The following NAALADL2 variants were observed in gnomAD, a reference collection of about 807,000 sequenced individuals.
NAALADL2 encodes N-acetylated alpha-linked acidic dipeptidase like 2.
NAALADL2 carries 76 observed loss-of-function variants against 87.2 expected under a neutral mutation model. That is an observed-to-expected ratio of 0.87 (90% CI 0.72 to 1.05). The LOEUF is 1.05. NAALADL2 is among the 50% of genes least tolerant of loss of function. The pLI is 0.00. For synonymous variants in NAALADL2, 354 were observed against 331.0 expected (o/e 1.07, Z -0.75); for missense variants, 1,089 against 945.8 (o/e 1.15, Z -1.99).
chr3:174,683,247 G>C (rs984127537), intron 2 of NAALADL2, among the ~76,000 whole-genome samples: 11 of 152,026 alleles, frequency 7.2e-5, no homozygotes, highest in African/African-American at 2.7e-4. Flanking sequence ...ACAATGAAGT[G>C]TGCCTACAGG....
chr3:174,982,515 A>G (rs1745256395), intron 1 of NAALADL2, among the ~76,000 whole-genome samples: 1 of 152,230 alleles, frequency 6.6e-6, no homozygotes. Context: ...AACTGATTAT[A>G]TATTTAATCC....
intron 1 of NAALADL2, among the ~76,000 whole-genome samples, chr3:175,094,612 C>T (rs930163747): frequency 2.2e-4 from 33 of 151,464 alleles, no homozygotes; most frequent in African/African-American, 7.7e-4. Flanking sequence ...ATTTGGGAAA[C>T]AAGACCAAAC....
At chr3:174,994,057 C>G (rs1163246718) in intron 1 of NAALADL2, among the ~76,000 whole-genome samples, 5 of 152,184 alleles carry the variant, frequency 3.3e-5, no homozygotes, top group Non-Finnish European at 5.9e-5. Flanking sequence ...TTGCTTGCAT[C>G]TGCAAAGACC....
At position 175,517,580 on chromosome 3, in the gene NAALADL2, A is replaced by G. The variant is rs186622584; in HGVS notation, c.1653+45822A>G. On this transcript the variant is annotated intron_variant, in intron 9 of 13. Transcript: ENST00000454872. Reference sequence around the variant, plus strand: ...AGATTACTACAATTATTTAATTAATATAGAAAACCAGTTACTAGCCTACAA... The same window carrying G: ...AGATTACTACAATTATTTAATTAATGTAGAAAACCAGTTACTAGCCTACAA... Among the ~76,000 whole-genome samples the G allele has an allele frequency of 1.3e-3, 201 of 152,284 alleles. 2 individuals are homozygous for G. In the Middle Eastern group the frequency reaches 0.017, roughly 13 times the overall value.
At chr3:174,515,576 G>A (rs984384927) in intron 1 of NAALADL2, among the ~76,000 whole-genome samples, 1 of 151,614 alleles carries the variant, frequency 6.6e-6, no homozygotes, top group African/African-American at 2.4e-5. Context: ...AGTATATCAG[G>A]TACTATATTA....
At chr3:174,465,450 C>G (rs1257914361) in intron 1 of NAALADL2, among the ~76,000 whole-genome samples, 1 of 152,072 alleles carries the variant, frequency 6.6e-6, no homozygotes, top group Non-Finnish European at 1.5e-5. Context: ...AAATTCTTAT[C>G]TGTTACTATT....
chr3:175,436,379 C>G (rs1484093723), intron 5 of NAALADL2, among the ~76,000 whole-genome samples: 3 of 149,094 alleles, frequency 2.0e-5, no homozygotes, highest in Admixed American at 6.8e-5. Flanking sequence ...AATGGGATGG[C>G]TGGGTCAAAT....
chr3:175,162,933 A>T (rs1733454466), intron 2 of NAALADL2, among the ~76,000 whole-genome samples: 1 of 152,134 alleles, frequency 6.6e-6, no homozygotes, highest in Admixed American at 6.6e-5. Context: ...TTAAGCATGA[A>T]AATGATGTTG....
chr3:174,537,461 T>C (rs1393849849), intron 1 of NAALADL2, among the ~76,000 whole-genome samples: 2 of 152,214 alleles, frequency 1.3e-5, no homozygotes, highest in East Asian at 3.8e-4. Context: ...AGTTCATTCA[T>C]TCAACAAATA....
chr3:174,765,136 A>G (rs1391062454), intron 3 of NAALADL2, among the ~76,000 whole-genome samples: 3 of 125,092 alleles, frequency 2.4e-5, no homozygotes, highest in Non-Finnish European at 5.5e-5. Context: ...ACACACACAC[A>G]CACACACGAG....
At position 175,309,843 on chromosome 3, in the gene NAALADL2, C is replaced by G. The variant is rs115554544; in HGVS notation, c.940-14332C>G. On this transcript the variant is annotated intron_variant, in intron 4 of 13. Coordinates refer to ENST00000454872, the MANE Select transcript of NAALADL2 (RefSeq NM_207015.3). ...CTCCTTTGAATCTGCTAGTCATTTT[C>G]TGTATTTGGCAGGGCAGATGTCATC... 2.2e-3 allele frequency among the ~76,000 whole-genome samples: 328 copies of G among 152,252 alleles called. 1 individual carries two copies. Among genetic ancestry groups the G allele is most frequent in the African/African-American group, 7.5e-3 (310 of 41,556 alleles).
At chr3:174,999,116 CTG>C (rs1747900147) in intron 1 of NAALADL2, among the ~76,000 whole-genome samples, 1 of 152,050 alleles carries the variant, frequency 6.6e-6, no homozygotes, top group Non-Finnish European at 1.5e-5. Context: ...TTAGGGGGCA[CTG>C]TTAATATTTC....
chr3:175,408,205 T>C (rs1346158646), intron 5 of NAALADL2, among the ~76,000 whole-genome samples: 1 of 152,076 alleles, frequency 6.6e-6, no homozygotes, highest in Non-Finnish European at 1.5e-5. Context: ...TGGTGATCTA[T>C]TGCTCTGCAT....
chr3:174,760,910 G>T (rs947482644), intron 3 of NAALADL2, among the ~76,000 whole-genome samples: 2 of 152,084 alleles, frequency 1.3e-5, no homozygotes, highest in African/African-American at 4.8e-5. Context: ...AGCAAATGGG[G>T]GACAAAGAGA....
At chr3:175,391,349 G>A (rs968566122) in intron 5 of NAALADL2, among the ~76,000 whole-genome samples, 5 of 152,200 alleles carry the variant, frequency 3.3e-5, no homozygotes, top group African/African-American at 4.8e-5. Context: ...ATTGTAGGAT[G>A]TCACTTTCAA....
intron 2 of NAALADL2, among the ~76,000 whole-genome samples, chr3:174,733,690 G>C (rs1213413975): frequency 2.0e-5 from 3 of 152,208 alleles, no homozygotes; most frequent in Non-Finnish European, 4.4e-5. Context: ...ACTAACACAA[G>C]TATTGCCATG....
intron 2 of NAALADL2, among the ~76,000 whole-genome samples, chr3:175,191,503 A>ATTGTT: frequency 1.3e-5 from 2 of 152,280 alleles, no homozygotes; most frequent in South Asian, 4.1e-4. Context: ...CAGTTGTCAA[A>ATTGTT]AATGATGTCA....
intron 2 of NAALADL2, among the ~76,000 whole-genome samples, chr3:174,729,067 C>G (rs149444927): frequency 6.6e-6 from 1 of 151,978 alleles, no homozygotes. Flanking sequence ...TTTCCATAGT[C>G]AATCTTAATA....
At chr3:174,814,971 G>A (rs1720631591) in intron 3 of NAALADL2, among the ~76,000 whole-genome samples, 1 of 152,154 alleles carries the variant, frequency 6.6e-6, no homozygotes, top group South Asian at 2.1e-4. Context: ...TGTCAGACCT[G>A]TTCTGTGACA....
Sources: allele counts gnomAD v4.1 joint callset (sites outside exome capture counted in the v4.1 genomes callset), GRCh38; gene constraint gnomAD v4.1.1; transcripts MANE v1.5; gene names NCBI Gene and HGNC (gene_info 2026-07-23, HGNC 2026-07-21).